Variants in ANKRD18A observed in about 807,000 individuals in gnomAD.
ANKRD18A encodes ankyrin repeat domain-containing protein 18A.
ANKRD18A carries 72 observed loss-of-function variants against 110.6 expected under a neutral mutation model. The observed-to-expected ratio is 0.65, with a 90% CI of 0.54 to 0.79. ANKRD18A has a LOEUF of 0.79. Among genes scored for constraint, ANKRD18A ranks in the 30% least tolerant of loss-of-function variants. The pLI, the probability that ANKRD18A is intolerant of heterozygous loss-of-function variation, is 0.00. For synonymous variants in ANKRD18A, 305 were observed against 410.3 expected, an observed-to-expected ratio of 0.74 and a Z score of 3.10; for missense variants, 934 against 1,163.3, an observed-to-expected ratio of 0.80 and a Z score of 2.87.
chr9:38,600,387 G>A (rs1825069171), intron 8 of ANKRD18A, among the ~76,000 whole-genome samples: 1 of 152,142 alleles, frequency 6.6e-6, no homozygotes, highest in South Asian at 2.1e-4. Flanking sequence ...CAATCAGAAA[G>A]GGAAGAAAAC....
intron 5 of ANKRD18A, among the ~76,000 whole-genome samples, chr9:38,608,809 G>T (rs2093506945): frequency 6.7e-6 from 1 of 150,362 alleles, no homozygotes; most frequent in South Asian, 2.1e-4. Flanking sequence ...TTACTTGAGG[G>T]GCCAACTCCA....
rs942177231 is a variant in ANKRD18A, at chr9:38,593,930, C to T, written c.1855-21G>A. ...ATCACCTGACAAAATATTTTTGTTA[C>T]CAATTTTATAAAGTGGCTTATTATT... On this transcript the variant is annotated intron_variant, in intron 9 of 15. Coordinates refer to ENST00000399703, the MANE Select transcript of ANKRD18A (RefSeq NM_147195.4). 6 of 1,454,394 alleles carry T rather than the reference C, an allele frequency of 4.1e-6. No homozygotes were observed. In the African/African-American group the frequency reaches 8.7e-5, roughly 21 times the overall value. The allele number at this position is 1,454,394 out of a possible 1,614,324, so 90.1% of individuals were successfully genotyped here.
chr9:38,569,331 G>A (rs1563949640), downstream of ANKRD18A: 5 of 983,824 alleles, frequency 5.1e-6, no homozygotes, highest in South Asian at 4.7e-5. Context: ...CTGCCCAGAG[G>A]CCAAAACCAC....
intron 10 of ANKRD18A, among the ~76,000 whole-genome samples, chr9:38,592,488 A>C (rs1360085969): frequency 6.6e-6 from 1 of 152,232 alleles, no homozygotes; most frequent in Non-Finnish European, 1.5e-5. Flanking sequence ...GGTCTGAATG[A>C]ATGAGGCTAG....
intron 12 of ANKRD18A, among the ~76,000 whole-genome samples, chr9:38,584,661 G>C (rs1349234485): frequency 6.6e-6 from 1 of 152,178 alleles, no homozygotes; most frequent in East Asian, 1.9e-4. Context: ...AGACATAAGA[G>C]AATCAACAGC....
At chr9:38,612,521 C>CTTTTTTTTTTTTTTTT (rs767816627) in intron 3 of ANKRD18A, among the ~76,000 whole-genome samples, 1 of 124,312 alleles carries the variant, frequency 8.0e-6, no homozygotes, top group Non-Finnish European at 1.6e-5. Flanking sequence ...TTTTCTTTTT[C>CTTTTTTTTTTTTTTTT]TTTTTTTTTT....
chr9:38,585,456 C>G (rs1169260419), intron 12 of ANKRD18A, among the ~76,000 whole-genome samples: 1 of 152,106 alleles, frequency 6.6e-6, no homozygotes, highest in Non-Finnish European at 1.5e-5. Flanking sequence ...ACAACTCTGT[C>G]TGCTGGAAAT....
downstream of ANKRD18A, chr9:38,568,445 C>T (rs893679897): frequency 6.6e-6 from 1 of 151,972 alleles, no homozygotes; most frequent in Non-Finnish European, 1.5e-5. Flanking sequence ...TCACTCGCTG[C>T]CAGTCAGGGT....
rs1426495242 is a variant in ANKRD18A at position 38,577,080 on chromosome 9, T to C, written c.2714A>G (p.Asn905Ser). The C allele has an allele frequency of 1.3e-6, 2 of 1,548,112 alleles. No homozygotes were observed. Among genetic ancestry groups the C allele is most frequent in the Non-Finnish European group, 1.7e-6 (2 of 1,146,014 alleles). Residue 905 changes from asparagine (N) to serine (S), a missense_variant, in exon 14 of 16, where the codon AAC becomes AGC. This residue lies in a region of ANKRD18A where 223 missense variants were observed against 226.7 expected (regional missense o/e 0.98). Coordinates refer to ENST00000399703, the MANE Select transcript of ANKRD18A (RefSeq NM_147195.4). ...KEAFAGAVKA[N>S]NSMSKKLMKS... ...CATTAATTTTTTTGACATGGAATTG[T>C]TAGCTTTCACTGCTCCTGCAAAGGC...
chr9:38,575,028 A>G (rs972322194), intron 15 of ANKRD18A, among the ~76,000 whole-genome samples: 2 of 151,614 alleles, frequency 1.3e-5, no homozygotes, highest in African/African-American at 4.9e-5. Context: ...CAGGAGGCAG[A>G]GGTTGCAATG....
intron 7 of ANKRD18A, among the ~76,000 whole-genome samples, chr9:38,602,464 C>G (rs185094355): frequency 6.6e-6 from 1 of 152,110 alleles, no homozygotes; most frequent in African/African-American, 2.4e-5. Context: ...GTGACAGGGG[C>G]ATCACCAGCA....
At chr9:38,609,058 A>T (rs192013876) in intron 5 of ANKRD18A, among the ~76,000 whole-genome samples, 2 of 152,362 alleles carry the variant, frequency 1.3e-5, no homozygotes, top group African/African-American at 4.8e-5. Flanking sequence ...GGTGGGCTAC[A>T]AATAAGATTT....
downstream of ANKRD18A, chr9:38,569,558 C>A: frequency 1.6e-6 from 1 of 616,960 alleles, no homozygotes; most frequent in Non-Finnish European, 2.0e-6. Flanking sequence ...GTGACACAAC[C>A]CACCACAACA....
intron 7 of ANKRD18A, among the ~76,000 whole-genome samples, chr9:38,602,942 C>T (rs1270570006): frequency 7.2e-5 from 11 of 152,202 alleles, no homozygotes; most frequent in Admixed American, 5.9e-4. Context: ...TGACTCATTA[C>T]AGGCAGGAGC....
intron 15 of ANKRD18A, among the ~76,000 whole-genome samples, chr9:38,573,878 G>GA (rs949301825): frequency 1.3e-5 from 2 of 151,396 alleles, no homozygotes; most frequent in Admixed American, 1.3e-4. Context: ...TTTAGTTACT[G>GA]AAAAAAATAT....
downstream of ANKRD18A, chr9:38,569,171 T>C (rs1441272023): frequency 2.9e-5 from 29 of 984,898 alleles, no homozygotes; most frequent in Non-Finnish European, 3.5e-5. Context: ...GGAGCGAGAC[T>C]GGGCCTGGTG....
intron 1 of ANKRD18A, among the ~76,000 whole-genome samples, chr9:38,618,517 C>A (rs543037487): frequency 1.1e-3 from 168 of 152,248 alleles, no homozygotes; most frequent in Non-Finnish European, 1.6e-3. Flanking sequence ...TCTCTATTTT[C>A]TGAAGGTATT....
At chr9:38,582,970 A>G (rs912965767) in intron 12 of ANKRD18A, among the ~76,000 whole-genome samples, 1 of 152,264 alleles carries the variant, frequency 6.6e-6, no homozygotes, top group Non-Finnish European at 1.5e-5. Flanking sequence ...CCATTCATAA[A>G]TAACAAGATA....
chr9:38,592,995 A>T (rs1824720777), intron 10 of ANKRD18A, among the ~76,000 whole-genome samples: 1 of 152,214 alleles, frequency 6.6e-6, no homozygotes, highest in Non-Finnish European at 1.5e-5. Context: ...AGTGGTGAAA[A>T]TGTTCTACCA....
Sources: allele counts gnomAD v4.1 joint callset (sites outside exome capture counted in the v4.1 genomes callset), GRCh38; gene constraint gnomAD v4.1.1; regional missense constraint gnomAD v4.1.1; transcripts MANE v1.5; gene names NCBI Gene and HGNC (gene_info 2026-07-23, HGNC 2026-07-21).